CDH13: variants seen among roughly 807,000 people sequenced by gnomAD.
The protein encoded by CDH13 is cadherin 13.
A neutral mutation model predicts 63.8 loss-of-function variants in CDH13; 24 were observed. That is an observed-to-expected ratio of 0.38 (90% confidence interval 0.27 to 0.53). The LOEUF (loss-of-function observed/expected upper bound fraction) is 0.53, where lower values mean the gene tolerates loss of function less well. Ranked by LOEUF, CDH13 falls within the 20% of genes least tolerant of loss-of-function variation. The probability of loss-of-function intolerance (pLI) is 0.85; values close to 1 mark genes in which losing one functional copy is unlikely to be tolerated. For missense variants in CDH13, 1,049 were observed against 903.1 expected (o/e 1.16, Z -2.07); for synonymous variants, 503 against 355.3 (o/e 1.42, Z -4.67).
chr16:83,456,476 C>T (rs1007180320), intron 6 of CDH13, among the ~76,000 whole-genome samples: 3 of 152,110 alleles, frequency 2.0e-5, no homozygotes, highest in Non-Finnish European at 2.9e-5. Context: ...GTAGAATGCA[C>T]GGGGAACCCT....
At chr16:83,369,028 A>T (rs1010391587) in intron 6 of CDH13, among the ~76,000 whole-genome samples, 10 of 149,586 alleles carry the variant, frequency 6.7e-5, no homozygotes, top group Non-Finnish European at 1.5e-4. Flanking sequence ...ATAAACATGC[A>T]TGTGCAAGTA....
At position 82,642,729 on chromosome 16, in the gene CDH13, T is replaced by G. The variant is rs72832164; in HGVS notation, c.45+15592T>G. Among the ~76,000 whole-genome samples, 601 of 152,316 alleles carry G rather than the reference T, an allele frequency of 3.9e-3. 5 individuals are homozygous for G. The highest frequency in any genetic ancestry group is 6.9e-3 in the Non-Finnish European group (470 of 68,032). On this transcript the variant is annotated intron_variant, in intron 1 of 13. Transcript: ENST00000567109. ...ATAATAGTAGAAGTGGCAGTAATAG[T>G]AGCTGATATCAGTGTGGTGCTGATT...
At chr16:83,001,656 C>T (rs1319635503) in intron 2 of CDH13, among the ~76,000 whole-genome samples, 1 of 152,206 alleles carries the variant, frequency 6.6e-6, no homozygotes, top group South Asian at 2.1e-4. Context: ...AAGCGAATCT[C>T]GCATTTTGCT....
intron 1 of CDH13, among the ~76,000 whole-genome samples, chr16:82,806,902 C>G (rs1034112655): frequency 2.0e-5 from 3 of 152,120 alleles, no homozygotes; most frequent in Non-Finnish European, 2.9e-5. Flanking sequence ...ATAATATGCT[C>G]TAGCATATTC....
At chr16:83,645,854 CA>C (rs1375986106) in intron 8 of CDH13, among the ~76,000 whole-genome samples, 2 of 152,006 alleles carry the variant, frequency 1.3e-5, no homozygotes, top group African/African-American at 4.8e-5. Context: ...CTAAAAAAGT[CA>C]AAAAGATCCT....
In CDH13 at chr16:82,819,351, T is replaced by C. The variant is rs532851922; in HGVS notation, c.46-39011T>C. 6.0e-4 allele frequency among the ~76,000 whole-genome samples: 91 copies of C among 152,308 alleles called. 1 individual carries two copies. In the Middle Eastern group the frequency reaches 0.014, roughly 23 times the overall value. Reference sequence around the variant, plus strand: ...CCAGGGACAGTGACACAGATTCTAGTATCAAATGCTGATTCTCAAATTAAC... The same window carrying C: ...CCAGGGACAGTGACACAGATTCTAGCATCAAATGCTGATTCTCAAATTAAC... On this transcript the variant is annotated intron_variant, in intron 1 of 13. Coordinates refer to ENST00000567109, the MANE Select transcript of CDH13 (RefSeq NM_001257.5).
intron 5 of CDH13, among the ~76,000 whole-genome samples, chr16:83,341,702 A>C (rs1159821656): frequency 6.6e-6 from 1 of 152,090 alleles, no homozygotes; most frequent in Non-Finnish European, 1.5e-5. Context: ...TTCTACGCAA[A>C]AACTCTTGTA....
chr16:83,514,051 C>G (rs1015337207), intron 7 of CDH13, among the ~76,000 whole-genome samples: 1 of 152,028 alleles, frequency 6.6e-6, no homozygotes, highest in Non-Finnish European at 1.5e-5. Context: ...TTGTGTGCCT[C>G]GTAGGAATAC....
At chr16:83,562,459 T>C (rs1393542089) in intron 7 of CDH13, among the ~76,000 whole-genome samples, 2 of 152,230 alleles carry the variant, frequency 1.3e-5, no homozygotes, top group South Asian at 4.1e-4. Flanking sequence ...CTGGGTTACA[T>C]TTGGATTCTA....
intron 5 of CDH13, among the ~76,000 whole-genome samples, chr16:83,300,873 C>G (rs990720612): frequency 6.6e-6 from 1 of 151,994 alleles, no homozygotes; most frequent in Non-Finnish European, 1.5e-5. Flanking sequence ...CTACATAGCG[C>G]TAAGGTAGTT....
intron 2 of CDH13, among the ~76,000 whole-genome samples, chr16:82,950,888 A>G (rs1260573052): frequency 2.0e-5 from 3 of 151,570 alleles, no homozygotes; most frequent in African/African-American, 7.3e-5. Context: ...ACATGGACAC[A>G]AAAGAGCATC....
intron 3 of CDH13, among the ~76,000 whole-genome samples, chr16:83,102,948 C>CTTTTTTTTTTTTTTTTTTTTTTT (rs71148813): frequency 4.3e-5 from 3 of 69,028 alleles, no homozygotes; most frequent in African/African-American, 1.4e-4. Flanking sequence ...TTTTCTTTTT[C>CTTTTTTTTTTTTTTTTTTTTTTT]TTTTTTTTTT....
At chr16:82,899,760 A>G (rs1022687389) in intron 2 of CDH13, among the ~76,000 whole-genome samples, 6 of 152,224 alleles carry the variant, frequency 3.9e-5, no homozygotes, top group African/African-American at 1.2e-4. Flanking sequence ...CAACAAGGAC[A>G]TAAAGCCACA....
At chr16:83,221,979 A>C (rs746945737) in intron 5 of CDH13, among the ~76,000 whole-genome samples, 1 of 152,204 alleles carries the variant, frequency 6.6e-6, no homozygotes, top group Non-Finnish European at 1.5e-5. Flanking sequence ...GGTTCCCAAG[A>C]TGTATTTTTA....
chr16:82,858,307 A>G, intron 1 of CDH13, 55 bp from the exon 2 acceptor site: 1 of 1,203,608 alleles, frequency 8.3e-7, no homozygotes, highest in South Asian at 1.3e-5. Context: ...GGCGAAAGTT[A>G]GCAGGGCAAA....
At chr16:82,794,118 A>G (rs374047144) in intron 1 of CDH13, among the ~76,000 whole-genome samples, 1 of 152,074 alleles carries the variant, frequency 6.6e-6, no homozygotes, top group Non-Finnish European at 1.5e-5. Context: ...ATGAGGCCCA[A>G]CACAAGTTCG....
chr16:83,328,911 C>G (rs986412424), intron 5 of CDH13, among the ~76,000 whole-genome samples: 6 of 152,148 alleles, frequency 3.9e-5, no homozygotes, highest in Non-Finnish European at 8.8e-5. Flanking sequence ...GAAGGTGGTT[C>G]TGATTATTTG....
At chr16:83,340,877 C>CT (rs201174893) in intron 5 of CDH13, among the ~76,000 whole-genome samples, 36 of 151,414 alleles carry the variant, frequency 2.4e-4, no homozygotes, top group Non-Finnish European at 5.0e-4. Flanking sequence ...CCACAGTGGA[C>CT]TTTTTTTTTA....
intron 4 of CDH13, among the ~76,000 whole-genome samples, chr16:83,136,280 G>A (rs1403847225): frequency 2.6e-5 from 4 of 151,650 alleles, no homozygotes; most frequent in African/African-American, 9.7e-5. Flanking sequence ...TCAGGAGATC[G>A]AGACCATCCT....
Sources: allele counts gnomAD v4.1 joint callset (sites outside exome capture counted in the v4.1 genomes callset), GRCh38; gene constraint gnomAD v4.1.1; transcripts MANE v1.5; gene names NCBI Gene and HGNC (gene_info 2026-07-23, HGNC 2026-07-21).